PCDHA4: variants seen among roughly 807,000 people sequenced by gnomAD.
The protein encoded by PCDHA4 is protocadherin alpha-4.
A neutral mutation model predicts 61.4 loss-of-function variants in PCDHA4; 49 were observed. The observed-to-expected ratio is 0.80, with a 90% confidence interval of 0.63 to 1.01. PCDHA4 has a LOEUF of 1.01. PCDHA4 is among the 50% of genes least tolerant of loss of function. PCDHA4 has a pLI of 0.00. For synonymous variants in PCDHA4, 590 were observed against 550.3 expected (o/e 1.07, Z -1.01); for missense variants, 1,254 against 1,235.8 (o/e 1.01, Z -0.22).
At chr5:140,817,379 A>G (rs1251072338) in intron 1 of PCDHA4, 1 of 152,232 alleles carries the variant, frequency 6.6e-6, no homozygotes, top group Non-Finnish European at 1.5e-5. Flanking sequence ...GGCACTTATC[A>G]CCATGGGAAT....
At chr5:141,008,626 A>G (rs375674921) in intron 3 of PCDHA4, among the ~76,000 whole-genome samples, 1 of 152,222 alleles carries the variant, frequency 6.6e-6, no homozygotes. Context: ...TTTCTCAAGT[A>G]TAATTAACAA....
At chr5:140,949,167 T>C (rs2094348737) in intron 1 of PCDHA4, among the ~76,000 whole-genome samples, 1 of 151,798 alleles carries the variant, frequency 6.6e-6, no homozygotes, top group Admixed American at 6.6e-5. Flanking sequence ...AATTCTCTTT[T>C]GGTCAGAGAA....
At chr5:140,985,562 C>G (rs1477250763) in intron 3 of PCDHA4, among the ~76,000 whole-genome samples, 1 of 152,116 alleles carries the variant, frequency 6.6e-6, no homozygotes, top group Non-Finnish European at 1.5e-5. Flanking sequence ...CAAAAGGCTT[C>G]TTTCTGGTGC....
chr5:140,910,371 A>G (rs2153514600), intron 1 of PCDHA4, among the ~76,000 whole-genome samples: 1 of 152,246 alleles, frequency 6.6e-6, no homozygotes, highest in South Asian at 2.1e-4. Flanking sequence ...AGCTATGCCC[A>G]CCTTGCCTTT....
In PCDHA4 at chr5:140,807,136, C is replaced by G; in HGVS notation, c.-52C>G. 7 of 1,564,272 alleles carry G rather than the reference C, an allele frequency of 4.5e-6. No individual in the cohort carries two copies. The highest frequency in any genetic ancestry group is 6.1e-6 in the Non-Finnish European group (7 of 1,152,802). On this transcript the variant is annotated 5_prime_UTR_variant, in exon 1 of 4. Transcript: ENST00000530339. ...CTTGACTGACCGATTAAAAGATTTC[C>G]CTTGACTTTGAGAAACGATATTTAA...
chr5:140,874,676 G>A (rs1487161384), intron 1 of PCDHA4, among the ~76,000 whole-genome samples: 4 of 152,136 alleles, frequency 2.6e-5, no homozygotes, highest in African/African-American at 9.7e-5. Context: ...CTATTCCTGA[G>A]ATTTGTTTTA....
At chr5:140,969,553 G>T in intron 1 of PCDHA4, 1 of 1,229,652 alleles carries the variant, frequency 8.1e-7, no homozygotes, top group Non-Finnish European at 1.1e-6. Flanking sequence ...ATGAAGCCTT[G>T]TCCATAAAAT....
intron 1 of PCDHA4, chr5:140,836,260 T>C (rs2150256538): frequency 6.2e-7 from 1 of 1,613,780 alleles, no homozygotes; most frequent in Admixed American, 1.7e-5. Flanking sequence ...CGCGTGGGGC[T>C]GTACACTGGT....
At chr5:140,841,207 T>A in intron 1 of PCDHA4, 1 of 1,357,192 alleles carries the variant, frequency 7.4e-7, no homozygotes, top group Non-Finnish European at 1.0e-6. Context: ...ACAGCATCTG[T>A]CTCTAAAGGC....
At position 140,809,205 on chromosome 5, in the gene PCDHA4, G is replaced by C. The variant is rs782023023; in HGVS notation, c.2018G>C (p.Gly673Ala). ...GTGCTGGTGTCACTTGTGGAGAGTGGACAGGCGCCAAAGGCCTCCTCACGG... is the reference window on the plus strand; with the variant it reads ...GTGCTGGTGTCACTTGTGGAGAGTGCACAGGCGCCAAAGGCCTCCTCACGG... ...ATVLVSLVES[G>A]QAPKASSRAL... Residue 673 changes from glycine to alanine, a missense_variant, in exon 1 of 4, where the codon GGA becomes GCA. By Grantham distance (60) the Gly-to-Ala change is moderately conservative. Transcript: ENST00000530339. 1 of 1,614,084 alleles carries C rather than the reference G, an allele frequency of 6.2e-7. No homozygotes were observed. Among genetic ancestry groups the C allele is most frequent in the Admixed American group, 1.7e-5 (1 of 60,036 alleles).
intron 1 of PCDHA4, among the ~76,000 whole-genome samples, chr5:140,943,257 C>CAAA (rs1238620023): frequency 1.0e-4 from 8 of 76,640 alleles, no homozygotes; most frequent in Admixed American, 6.0e-4. Context: ...GACTCTGTCT[C>CAAA]AAAAAAAAAA....
At chr5:140,887,263 A>AT (rs1336620900) in intron 1 of PCDHA4, among the ~76,000 whole-genome samples, 1 of 151,790 alleles carries the variant, frequency 6.6e-6, no homozygotes, top group Non-Finnish European at 1.5e-5. Flanking sequence ...CGCCCTGCTA[A>AT]TTTTTTGTAT....
At chr5:140,879,086 A>G (rs1182722619) in intron 1 of PCDHA4, among the ~76,000 whole-genome samples, 2 of 152,226 alleles carry the variant, frequency 1.3e-5, no homozygotes, top group Admixed American at 6.5e-5. Context: ...ATAAGTAGGA[A>G]CAACTGCACA....
At chr5:141,006,073 T>G (rs2098254106) in intron 3 of PCDHA4, among the ~76,000 whole-genome samples, 1 of 151,712 alleles carries the variant, frequency 6.6e-6, no homozygotes, top group Non-Finnish European at 1.5e-5. Context: ...AAAAATCAGA[T>G]TATTGAAGGG....
At chr5:140,851,866 C>G in intron 1 of PCDHA4, 1 of 976,572 alleles carries the variant, frequency 1.0e-6, no homozygotes, top group Non-Finnish European at 1.2e-6. Flanking sequence ...TCATACATAA[C>G]ACAAGGCAGA....
intron 1 of PCDHA4, chr5:140,884,714 C>A: frequency 1.4e-6 from 2 of 1,471,312 alleles, no homozygotes; most frequent in Non-Finnish European, 9.0e-7. Context: ...GCCTTCCTTG[C>A]AGTTGTTTGT....
At position 140,978,933 on chromosome 5, in the gene PCDHA4, C is replaced by CT. The variant is rs1179085898; in HGVS notation, c.2386-13dup. The stretch of plus-strand genomic sequence containing the variant: ...TCTTGTCATTTTAACAGAAAACTCT[C>CT]TTTGTGATTTTGCAGCCACGACAGC... On this transcript the variant is annotated splice_polypyrimidine_tract_variant and intron_variant, in intron 1 of 3. Coordinates refer to ENST00000530339, the MANE Select transcript of PCDHA4 (RefSeq NM_018907.4). 8 of 1,613,976 alleles carry CT rather than the reference C, an allele frequency of 5.0e-6. No homozygotes were observed. The highest frequency in any genetic ancestry group is 1.7e-5 in the Admixed American group (1 of 59,984).
In PCDHA4 at chr5:140,808,850, G is replaced by A. The variant is rs1377582762; in HGVS notation, c.1663G>A (p.Val555Met). 4 of 1,613,128 alleles carry A rather than the reference G, an allele frequency of 2.5e-6. No individual in the cohort carries two copies. Among genetic ancestry groups the A allele is most frequent in the South Asian group, 1.1e-5 (1 of 91,074 alleles). ...CAGCAACGTGACGCTGCAGGTGTTC[G>A]TGCTGGACGAAAACGACAACGCGCC... is the stretch of plus-strand genomic sequence containing the variant. ...LGSNVTLQVF[V>M]LDENDNAPAL... Residue 555 changes from valine to methionine, a missense_variant, in exon 1 of 4, where the codon GTG (valine) becomes ATG (methionine). Coordinates refer to ENST00000530339, the MANE Select transcript of PCDHA4 (RefSeq NM_018907.4).
Position 140,845,869 on chromosome 5 carries a change from C to T in PCDHA4, c.2385+36297C>T, listed in dbSNP as rs1190017155. On this transcript the variant is annotated intron_variant, in intron 1 of 3. Transcript: ENST00000530339. ...AAAGAAGTTAGTGATTGCAGAAAGG[C>T]AACCTAAAATGTCAGAAAGTCGTTA... is the stretch of plus-strand genomic sequence containing the variant. Among the ~76,000 whole-genome samples the T allele has an allele frequency of 2.0e-5, 3 of 149,586 alleles. 1 individual carries two copies. Among genetic ancestry groups the T allele is most frequent in the Non-Finnish European group, 4.5e-5 (3 of 66,866 alleles).
Sources: allele counts gnomAD v4.1 joint callset (sites outside exome capture counted in the v4.1 genomes callset), GRCh38; gene constraint gnomAD v4.1.1; transcripts MANE v1.5; gene names NCBI Gene and HGNC (gene_info 2026-07-23, HGNC 2026-07-21).